The following LRRC8D variants were observed in gnomAD, a reference collection of about 807,000 sequenced individuals.
The protein encoded by LRRC8D is volume-regulated anion channel subunit LRRC8D.
A neutral mutation model predicts 55.8 loss-of-function variants in LRRC8D; 20 were observed. The ratio of observed to expected loss-of-function variants is 0.36; its 90% CI spans 0.25 to 0.52. The LOEUF (loss-of-function observed/expected upper bound fraction) is 0.52, where lower values mean the gene tolerates loss of function less well. Among genes scored for constraint, LRRC8D ranks in the 20% least tolerant of loss-of-function variants. The pLI is 0.93. For missense variants in LRRC8D, 651 were observed against 1,030.8 expected (o/e 0.63, Z 5.05); for synonymous variants, 352 against 377.0 (o/e 0.93, Z 0.77).
chr1:89,899,868 A>G (rs1662806965), intron 2 of LRRC8D, among the ~76,000 whole-genome samples: 1 of 152,250 alleles, frequency 6.6e-6, no homozygotes, highest in African/African-American at 2.4e-5. Context: ...CCTGCCTTGC[A>G]GTATCACTCT....
rs1553123917 is a variant in LRRC8D at position 89,860,785 on chromosome 1, A to AAAAATAT, written c.-3+17004_-3+17005insAAATATA. Among the ~76,000 whole-genome samples the AAAAATAT allele has an allele frequency of 4.3e-4, 12 of 28,196 alleles. 1 individual carries two copies. The highest frequency in any genetic ancestry group is 6.8e-4 in the Admixed American group (1 of 1,462). 18.5% of individuals were successfully genotyped at this position (28,196 alleles called of 152,430 possible). On this transcript the variant is annotated intron_variant, in intron 2 of 2. Transcript: ENST00000337338. ...AAAAAAAAAAAAAAAAAAAAAAAAA[A>AAAAATAT]ATATATATATATATATATATATATA...
chr1:89,850,379 G>C (rs561474355), intron 2 of LRRC8D, among the ~76,000 whole-genome samples: 1 of 152,154 alleles, frequency 6.6e-6, no homozygotes, highest in Non-Finnish European at 1.5e-5. Context: ...TATCACCCAG[G>C]TATTAAGCCT....
intron 2 of LRRC8D, among the ~76,000 whole-genome samples, chr1:89,925,816 A>G (rs1663548259): frequency 6.6e-6 from 1 of 152,248 alleles, no homozygotes; most frequent in African/African-American, 2.4e-5. Context: ...TAACAGATGC[A>G]TTAATTCAAG....
chr1:89,870,205 G>A (rs564263781), intron 2 of LRRC8D, among the ~76,000 whole-genome samples: 31 of 152,134 alleles, frequency 2.0e-4, no homozygotes, highest in Admixed American at 4.6e-4. Flanking sequence ...TGCCAGGTGT[G>A]GTGGCTCACA....
At chr1:89,854,383 T>A (rs1661498639) in intron 2 of LRRC8D, among the ~76,000 whole-genome samples, 1 of 150,716 alleles carries the variant, frequency 6.6e-6, no homozygotes, top group Admixed American at 6.6e-5. Context: ...GACGGAGGAT[T>A]TTTTTTTTTC....
chr1:89,859,483 A>G (rs1322819685), intron 2 of LRRC8D, among the ~76,000 whole-genome samples: 2 of 152,158 alleles, frequency 1.3e-5, no homozygotes, highest in Non-Finnish European at 2.9e-5. Flanking sequence ...TTCCTCAGGT[A>G]TAGCTGTGAA....
chr1:89,914,117 T>C (rs1490573901), intron 2 of LRRC8D, among the ~76,000 whole-genome samples: 1 of 152,210 alleles, frequency 6.6e-6, no homozygotes, highest in East Asian at 1.9e-4. Flanking sequence ...GGTAAAGAAG[T>C]AAAAATTATC....
rs2493184 is a variant in LRRC8D, at chr1:89,894,172, C to G, written c.-2-38895C>G. ...ATGTGAGGATAGACAGGGAAGTCAGCTGTCTGCAATCTGGAAGAAGGCCCT... is the reference window on the plus strand; with the variant it reads ...ATGTGAGGATAGACAGGGAAGTCAGGTGTCTGCAATCTGGAAGAAGGCCCT... On this transcript the variant is annotated intron_variant, in intron 2 of 2. Coordinates refer to ENST00000337338, the MANE Select transcript of LRRC8D (RefSeq NM_001134479.2). 7.4e-3 allele frequency among the ~76,000 whole-genome samples: 1,127 copies of G among 151,968 alleles called. 6 individuals carry two copies. The highest frequency in any genetic ancestry group is 0.026 in the African/African-American group (1,085 of 41,216).
intron 2 of LRRC8D, among the ~76,000 whole-genome samples, chr1:89,881,618 T>TAAGG (rs953697032): frequency 6.6e-5 from 10 of 151,848 alleles, no homozygotes; most frequent in Non-Finnish European, 1.3e-4. Context: ...AGCTATGGTG[T>TAAGG]AAGGAAGGAA....
chr1:89,931,144 A>C (rs1663695365), intron 2 of LRRC8D, among the ~76,000 whole-genome samples: 1 of 150,346 alleles, frequency 6.7e-6, no homozygotes, highest in Non-Finnish European at 1.5e-5. Context: ...ATAAGAGATA[A>C]TTTTGCTTAC....
chr1:89,834,718 G>T (rs1207250214), intron 1 of LRRC8D, among the ~76,000 whole-genome samples: 1 of 152,188 alleles, frequency 6.6e-6, no homozygotes, highest in Non-Finnish European at 1.5e-5. Context: ...ATCAGGGGAG[G>T]TCTCACAAGG....
rs562973841 is a variant in LRRC8D at position 89,911,273 on chromosome 1, A to G, written c.-2-21794A>G. ...AAAAAGAACCTTTTAAAATTTTATG[A>G]CGGGATAAGCAATATGGTGGTTAGC... On this transcript the variant is annotated intron_variant, in intron 2 of 2. Transcript: ENST00000337338. The surrounding 1 kb of genome is among the most constrained non-coding windows in gnomAD (Gnocchi z 4.0). Among the ~76,000 whole-genome samples the G allele has an allele frequency of 2.0e-5, 3 of 151,994 alleles. No homozygotes were observed. The South Asian group carries it at 6.2e-4, about 32-fold the overall frequency.
chr1:89,905,795 C>T (rs935521216), intron 2 of LRRC8D, among the ~76,000 whole-genome samples: 4 of 152,102 alleles, frequency 2.6e-5, no homozygotes, highest in Non-Finnish European at 5.9e-5. Context: ...TGCAGACAGG[C>T]AAATCTCAAA....
chr1:89,833,530 A>G (rs1304898079), intron 1 of LRRC8D, among the ~76,000 whole-genome samples: 2 of 152,222 alleles, frequency 1.3e-5, no homozygotes, highest in African/African-American at 4.8e-5. Context: ...GGAAGGACCT[A>G]GGATTTGGAG....
At chr1:89,880,628 A>G (rs1662259020) in intron 2 of LRRC8D, among the ~76,000 whole-genome samples, 1 of 152,138 alleles carries the variant, frequency 6.6e-6, no homozygotes, top group Non-Finnish European at 1.5e-5. Flanking sequence ...TAGTGGATCT[A>G]AATCAGAAAA....
chr1:89,857,966 C>T (rs1187631317), intron 2 of LRRC8D, among the ~76,000 whole-genome samples: 14 of 152,188 alleles, frequency 9.2e-5, no homozygotes, highest in Admixed American at 8.5e-4. Context: ...AGGTGGCACA[C>T]GCCTGTAATC....
At chr1:89,838,661 G>C (rs896386373) in intron 1 of LRRC8D, among the ~76,000 whole-genome samples, 3 of 152,124 alleles carry the variant, frequency 2.0e-5, no homozygotes, top group Non-Finnish European at 4.4e-5. Flanking sequence ...TTCTTTCACA[G>C]TATTATGCCT....
chr1:89,897,561 T>C (rs1662743224), intron 2 of LRRC8D, among the ~76,000 whole-genome samples: 3 of 152,188 alleles, frequency 2.0e-5, no homozygotes, highest in Admixed American at 2.0e-4. Context: ...TTAATCCCAT[T>C]AAATTGGATG....
intron 2 of LRRC8D, among the ~76,000 whole-genome samples, chr1:89,849,490 CT>C (rs34110970): frequency 0.59 from 85,993 of 146,380 alleles, 26,616 homozygotes; most frequent in Middle Eastern, 0.72. Flanking sequence ...TGCATAATGC[CT>C]TTTTTTTTTT....
Sources: gnomAD v4.1 joint callset for allele counts (sites outside exome capture counted in the v4.1 genomes callset) on GRCh38, gnomAD v4.1.1 for gene constraint, Gnocchi (gnomAD v3.1) non-coding constraint, MANE v1.5 for transcripts, NCBI Gene and HGNC (gene_info 2026-07-23, HGNC 2026-07-21) for gene names.